Variants in SLC9A9 observed in about 807,000 individuals in gnomAD.
The protein encoded by SLC9A9 is sodium/hydrogen exchanger 9.
SLC9A9 carries 62 observed loss-of-function variants against 77.8 expected under a neutral mutation model. The ratio of observed to expected loss-of-function variants is 0.80; its 90% CI spans 0.65 to 0.98. The LOEUF is 0.98. Among genes scored for constraint, SLC9A9 ranks in the 50% least tolerant of loss-of-function variants. The probability of loss-of-function intolerance (pLI) is 0.00; values close to 1 mark genes in which losing one functional copy is unlikely to be tolerated. For synonymous variants in SLC9A9, 320 were observed against 283.5 expected (o/e 1.13, Z -1.29); for missense variants, 775 against 774.9 (o/e 1.00, Z 0.00).
chr3:143,648,182 A>G (rs1444541373), intron 6 of SLC9A9, among the ~76,000 whole-genome samples: 1 of 152,160 alleles, frequency 6.6e-6, no homozygotes, highest in East Asian at 1.9e-4. Context: ...CTATTCTCAC[A>G]TTTTCTAGAT....
chr3:143,486,567 T>C (rs1378087618), intron 11 of SLC9A9, among the ~76,000 whole-genome samples: 2 of 152,114 alleles, frequency 1.3e-5, no homozygotes, highest in Non-Finnish European at 2.9e-5. Flanking sequence ...TAATGCATAT[T>C]AAAGAATTAT....
chr3:143,378,084 C>T (rs537974644), intron 13 of SLC9A9, among the ~76,000 whole-genome samples: 1 of 152,332 alleles, frequency 6.6e-6, no homozygotes, highest in Admixed American at 6.5e-5. Flanking sequence ...CTCGCCTGTT[C>T]TCTATCCTCT....
In SLC9A9 at chr3:143,300,394, T is replaced by C. The variant is rs141247396; in HGVS notation, c.1605-31414A>G. ...GCCCTCCTGCCCATTCTGCACCTCA[T>C]TGGAAGAAGCAGATAAACCTCTTCA... On this transcript the variant is annotated intron_variant, in intron 14 of 15. Transcript: ENST00000316549. Among the ~76,000 whole-genome samples the C allele has an allele frequency of 5.7e-3, 871 of 152,344 alleles. 4 individuals carry two copies. The highest frequency in any genetic ancestry group is 9.4e-3 in the Non-Finnish European group (641 of 68,032).
chr3:143,667,606 A>G, intron 5 of SLC9A9, among the ~76,000 whole-genome samples: 1 of 152,244 alleles, frequency 6.6e-6, no homozygotes, highest in East Asian at 1.9e-4. Flanking sequence ...AATATCCAGA[A>G]TCTACAAAGA....
chr3:143,423,564 A>T (rs1194833156), intron 12 of SLC9A9, among the ~76,000 whole-genome samples: 1 of 152,232 alleles, frequency 6.6e-6, no homozygotes, highest in Admixed American at 6.5e-5. Context: ...AATTAAAGAC[A>T]ATTTGAACAT....
chr3:143,719,978 A>G (rs1189975158), intron 4 of SLC9A9, among the ~76,000 whole-genome samples: 1 of 152,116 alleles, frequency 6.6e-6, no homozygotes, highest in African/African-American at 2.4e-5. Flanking sequence ...TCATTATTCA[A>G]TTTATATAAT....
intron 2 of SLC9A9, among the ~76,000 whole-genome samples, chr3:143,824,988 G>A (rs1444380857): frequency 2.0e-5 from 3 of 152,134 alleles, no homozygotes; most frequent in Non-Finnish European, 4.4e-5. Context: ...ACCATCTCAC[G>A]TGGTAGGAGC....
intron 11 of SLC9A9, among the ~76,000 whole-genome samples, chr3:143,490,520 G>C (rs1260890725): frequency 6.6e-6 from 1 of 152,084 alleles, no homozygotes; most frequent in African/African-American, 2.4e-5. Context: ...ATTGGGAGGA[G>C]GGGGAATGAA....
At chr3:143,403,502 T>C (rs1343830964) in intron 12 of SLC9A9, among the ~76,000 whole-genome samples, 1 of 152,026 alleles carries the variant, frequency 6.6e-6, no homozygotes, top group Admixed American at 6.6e-5. Context: ...TTCCTTTCAT[T>C]AAAAAAAACT....
At chr3:143,494,072 T>C (rs568132063) in intron 10 of SLC9A9, among the ~76,000 whole-genome samples, 2 of 152,364 alleles carry the variant, frequency 1.3e-5, no homozygotes, top group African/African-American at 4.8e-5. Context: ...TCCTCAATTC[T>C]GCTGTAAAAT....
chr3:143,586,124 G>A (rs773997162), intron 6 of SLC9A9, among the ~76,000 whole-genome samples: 5 of 152,202 alleles, frequency 3.3e-5, no homozygotes, highest in African/African-American at 4.8e-5. Context: ...TCCCCACCCC[G>A]TCATACACAG....
At chr3:143,305,460 G>A (rs2030740061) in intron 14 of SLC9A9, among the ~76,000 whole-genome samples, 1 of 152,202 alleles carries the variant, frequency 6.6e-6, no homozygotes, top group African/African-American at 2.4e-5. Context: ...CATAAGTGGT[G>A]GCAACTAGGA....
chr3:143,363,500 A>G lies in SLC9A9; in HGVS notation c.1588T>C (p.Tyr530His). Residue 530 changes from tyrosine to histidine, a missense_variant, in exon 14 of 16, where the codon TAT (tyrosine) becomes CAT (histidine). Tyr to His is a moderately conservative substitution (Grantham distance 83). Transcript: ENST00000316549. ...AESARLFRMWYSFDHKYLKPI... is the reference protein window; with the variant it reads ...AESARLFRMWHSFDHKYLKPI... ...AAAGGATACTTGTGGTCAAAGCTATACCACATTCTGAAGAGCCGAGCACTC... is the reference window on the plus strand; with the variant it reads ...AAAGGATACTTGTGGTCAAAGCTATGCCACATTCTGAAGAGCCGAGCACTC... 6 of 1,613,074 alleles carry G rather than the reference A, an allele frequency of 3.7e-6. No individual in the cohort carries two copies. Among genetic ancestry groups the G allele is most frequent in the Non-Finnish European group, 5.1e-6 (6 of 1,179,262 alleles).
chr3:143,360,685 C>T (rs2032725279), intron 14 of SLC9A9, among the ~76,000 whole-genome samples: 1 of 152,088 alleles, frequency 6.6e-6, no homozygotes, highest in South Asian at 2.1e-4. Flanking sequence ...AAAGAAAAAA[C>T]AAAACTATGT....
At chr3:143,571,296 T>C (rs1035848560) in intron 8 of SLC9A9, among the ~76,000 whole-genome samples, 11 of 152,244 alleles carry the variant, frequency 7.2e-5, no homozygotes, top group Admixed American at 1.3e-4. Context: ...ACTGTATTCA[T>C]TGTTGTCTAT....
chr3:143,696,069 G>A (rs745553819), intron 4 of SLC9A9, among the ~76,000 whole-genome samples: 3 of 152,026 alleles, frequency 2.0e-5, no homozygotes, highest in Non-Finnish European at 2.9e-5. Flanking sequence ...TGGATAGATC[G>A]CAAAAATTTT....
intron 9 of SLC9A9, among the ~76,000 whole-genome samples, chr3:143,496,085 A>T (rs192766388): frequency 2.7e-3 from 417 of 152,332 alleles, no homozygotes; most frequent in South Asian, 6.6e-3. Context: ...TAAAAAGAAA[A>T]TGATTAATCC....
intron 14 of SLC9A9, among the ~76,000 whole-genome samples, chr3:143,269,843 T>A (rs1937850323): frequency 6.6e-6 from 1 of 152,202 alleles, no homozygotes; most frequent in Non-Finnish European, 1.5e-5. Context: ...GAGTTATCAT[T>A]GGTTGGATCA....
At chr3:143,304,562 T>A (rs766790314) in intron 14 of SLC9A9, among the ~76,000 whole-genome samples, 14 of 152,196 alleles carry the variant, frequency 9.2e-5, no homozygotes, top group Non-Finnish European at 1.9e-4. Context: ...GTTAAGAACT[T>A]GGTTTCGAGT....
Sources: allele counts gnomAD v4.1 joint callset (sites outside exome capture counted in the v4.1 genomes callset), GRCh38; gene constraint gnomAD v4.1.1; transcripts MANE v1.5; gene names NCBI Gene and HGNC (gene_info 2026-07-23, HGNC 2026-07-21).